APBA1: variants seen among roughly 807,000 people sequenced by gnomAD.
The protein encoded by APBA1 is amyloid-beta A4 precursor protein-binding family A member 1.
Under a neutral mutation model 86.6 loss-of-function variants are expected in APBA1, and 55 were observed. The ratio of observed to expected loss-of-function variants is 0.64; its 90% CI spans 0.51 to 0.80. The LOEUF (loss-of-function observed/expected upper bound fraction) is 0.80, where lower values mean the gene tolerates loss of function less well. APBA1 is among the 30% of genes least tolerant of loss of function. The pLI, the probability that APBA1 is intolerant of heterozygous loss-of-function variation, is 0.00. For synonymous variants in APBA1, 511 were observed against 493.9 expected, an observed-to-expected ratio of 1.03 and a Z score of -0.46; for missense variants, 1,090 against 1,183.0, an observed-to-expected ratio of 0.92 and a Z score of 1.15.
At chr9:69,493,559 T>C (rs368536634) in intron 2 of APBA1, among the ~76,000 whole-genome samples, 20 of 152,228 alleles carry the variant, frequency 1.3e-4, no homozygotes, top group African/African-American at 4.6e-4. Context: ...TTTATAAAGA[T>C]ATAATGCTAC....
At chr9:69,589,121 A>G (rs1822078486) in intron 1 of APBA1, among the ~76,000 whole-genome samples, 1 of 151,878 alleles carries the variant, frequency 6.6e-6, no homozygotes, top group East Asian at 1.9e-4. Flanking sequence ...TGCCCAGCTA[A>G]TTTTTGTAAT....
At chr9:69,524,720 T>C (rs1179531000) in intron 1 of APBA1, among the ~76,000 whole-genome samples, 1 of 152,080 alleles carries the variant, frequency 6.6e-6, no homozygotes, top group Non-Finnish European at 1.5e-5. Context: ...AGGGACTCCC[T>C]AACTCATTCC....
At chr9:69,473,863 T>C (rs1835403795) in intron 3 of APBA1, among the ~76,000 whole-genome samples, 1 of 152,196 alleles carries the variant, frequency 6.6e-6, no homozygotes. Context: ...AAAAGAGTTT[T>C]GTGAAATGAA....
At chr9:69,602,915 A>G (rs1564089143) in intron 1 of APBA1, among the ~76,000 whole-genome samples, 1 of 152,218 alleles carries the variant, frequency 6.6e-6, no homozygotes, top group Non-Finnish European at 1.5e-5. Context: ...ATACACACAC[A>G]TGACCATGAA....
intron 2 of APBA1, among the ~76,000 whole-genome samples, chr9:69,485,551 T>C (rs547788436): frequency 7.5e-6 from 1 of 133,584 alleles, no homozygotes; most frequent in South Asian, 2.5e-4. Context: ...CCTTCTGGGC[T>C]ACTGGATGGA....
chr9:69,475,994 T>C (rs543855325), intron 3 of APBA1, 54 bp downstream of exon 3: 1 of 1,413,468 alleles, frequency 7.1e-7, no homozygotes, highest in Non-Finnish European at 1.0e-6. Flanking sequence ...CACAGAACAG[T>C]ATTAGAGTAA....
chr9:69,505,112 T>C (rs1427991803), intron 2 of APBA1, among the ~76,000 whole-genome samples: 1 of 152,054 alleles, frequency 6.6e-6, no homozygotes, highest in East Asian at 1.9e-4. Flanking sequence ...TGTGCGGTGA[T>C]AACAAACCAC....
In APBA1 at chr9:69,672,290, C is replaced by A; in HGVS notation, c.-207G>T. 1 of 175,094 alleles carries A rather than the reference C, an allele frequency of 5.7e-6. No homozygotes were observed. Among genetic ancestry groups the A allele is most frequent in the South Asian group, 1.4e-4 (1 of 7,128 alleles). 10.8% of individuals were successfully genotyped at this position (175,094 alleles called of 1,614,324 possible). On this transcript the variant is annotated 5_prime_UTR_variant, in exon 1 of 13. Coordinates refer to ENST00000265381, the MANE Select transcript of APBA1 (RefSeq NM_001163.4). ...CCATCTTCTCCCGCCGCAGCTGCCG[C>A]CGCCGCCGCCGCCGCCGGGACCGCA... is the stretch of plus-strand genomic sequence containing the variant.
At chr9:69,440,632 A>T (rs1020376499) in intron 11 of APBA1, among the ~76,000 whole-genome samples, 1 of 152,132 alleles carries the variant, frequency 6.6e-6, no homozygotes, top group Admixed American at 6.5e-5. Flanking sequence ...CCCATTGGAA[A>T]AGTGCAGTAT....
chr9:69,481,340 A>G (rs1199867521), intron 2 of APBA1, among the ~76,000 whole-genome samples: 3 of 152,078 alleles, frequency 2.0e-5, no homozygotes, highest in Non-Finnish European at 4.4e-5. Context: ...ACAGACAAAC[A>G]GCCAAATCAT....
chr9:69,456,511 G>A, intron 7 of APBA1, 79 bp from the exon 8 acceptor site: 1 of 1,421,512 alleles, frequency 7.0e-7, no homozygotes. Context: ...CTTACAGCCA[G>A]TCAAGTATGG....
At chr9:69,597,334 A>G (rs140140885) in intron 1 of APBA1, among the ~76,000 whole-genome samples, 13,509 of 152,172 alleles carry the variant, frequency 0.089, 959 homozygotes, top group African/African-American at 0.19. Context: ...GTGTCTGTTC[A>G]TGTCCTTCTC....
intron 1 of APBA1, among the ~76,000 whole-genome samples, chr9:69,579,229 C>T (rs1821866022): frequency 1.3e-5 from 2 of 152,110 alleles, no homozygotes; most frequent in African/African-American, 4.8e-5. Flanking sequence ...CCACTGTGGT[C>T]ACAATGTGCA....
chr9:69,540,792 T>C (rs1240154012), intron 1 of APBA1, among the ~76,000 whole-genome samples: 3 of 152,106 alleles, frequency 2.0e-5, no homozygotes, highest in Non-Finnish European at 4.4e-5. Flanking sequence ...AGAGACTGGG[T>C]CTCGCCACAT....
intron 1 of APBA1, among the ~76,000 whole-genome samples, chr9:69,630,277 G>A (rs1238732948): frequency 1.3e-5 from 2 of 152,100 alleles, no homozygotes; most frequent in Non-Finnish European, 2.9e-5. Context: ...ACGATCAGGG[G>A]ACGGGGCCAG....
At chr9:69,472,631 AC>A (rs1184329088) in intron 3 of APBA1, 1 of 152,228 alleles carries the variant, frequency 6.6e-6, no homozygotes, top group East Asian at 1.9e-4. Context: ...CTGAGAACCT[AC>A]CCGGTTCTTA....
intron 1 of APBA1, among the ~76,000 whole-genome samples, chr9:69,582,872 T>C (rs995117924): frequency 2.6e-5 from 4 of 152,022 alleles, no homozygotes; most frequent in Admixed American, 6.6e-5. Flanking sequence ...AGACTCACTA[T>C]GTATTTGTTG....
At chr9:69,575,998 A>G (rs144486108) in intron 1 of APBA1, among the ~76,000 whole-genome samples, 11,310 of 152,296 alleles carry the variant, frequency 0.074, 591 homozygotes, top group African/African-American at 0.14. Context: ...AATGAACTCA[A>G]ACAAATTTAC....
rs1351909877 is a variant in APBA1 at position 69,431,268 on chromosome 9, C to T, written c.*59G>A. On this transcript the variant is annotated 3_prime_UTR_variant, in exon 13 of 13. Transcript: ENST00000265381. ...TCTCAGTGGACACAGGGATGCAGCA[C>T]GAGAAACACAACCACGAAGAGGAGA... The T allele has an allele frequency of 1.8e-5, 25 of 1,397,370 alleles. No homozygotes were observed. The highest frequency in any genetic ancestry group is 1.0e-4 in the East Asian group (4 of 39,432). The allele number at this position is 1,397,370 out of a possible 1,614,324, so 86.6% of individuals were successfully genotyped here.
Sources: gnomAD v4.1 joint callset for allele counts (sites outside exome capture counted in the v4.1 genomes callset) on GRCh38, gnomAD v4.1.1 for gene constraint, MANE v1.5 for transcripts, NCBI Gene and HGNC (gene_info 2026-07-23, HGNC 2026-07-21) for gene names.